The following TRABD2B variants were observed in gnomAD, a reference collection of about 807,000 sequenced individuals.
The protein encoded by TRABD2B is metalloprotease TIKI2.
Under a neutral mutation model 40.1 loss-of-function variants are expected in TRABD2B, and 14 were observed. The ratio of observed to expected loss-of-function variants is 0.35; its 90% confidence interval spans 0.23 to 0.55. The LOEUF (loss-of-function observed/expected upper bound fraction) is 0.55, where lower values mean the gene tolerates loss of function less well. Among genes scored for constraint, TRABD2B ranks in the 20% least tolerant of loss-of-function variants. The probability of loss-of-function intolerance (pLI) is 0.90; values close to 1 mark genes in which losing one functional copy is unlikely to be tolerated. For synonymous variants in TRABD2B, 263 were observed against 277.0 expected, an observed-to-expected ratio of 0.95 and a Z score of 0.50; for missense variants, 541 against 648.6, an observed-to-expected ratio of 0.83 and a Z score of 1.80.
At chr1:47,852,336 G>T (rs1210097293) in intron 2 of TRABD2B, among the ~76,000 whole-genome samples, 1 of 152,166 alleles carries the variant, frequency 6.6e-6, no homozygotes, top group Non-Finnish European at 1.5e-5. Context: ...TGCTGTTGGA[G>T]GCTAGGAATT....
intron 2 of TRABD2B, among the ~76,000 whole-genome samples, chr1:47,804,552 G>A (rs1467611355): frequency 6.6e-6 from 1 of 152,214 alleles, no homozygotes; most frequent in African/African-American, 2.4e-5. Flanking sequence ...ACCCAGAAGA[G>A]CTGACTGGAG....
rs1644254906 is a variant in TRABD2B, at chr1:47,762,535, C to T, written c.*3367G>A. The T allele has an allele frequency of 6.6e-6, 1 of 152,204 alleles. No homozygotes were observed. Among genetic ancestry groups the T allele is most frequent in the Non-Finnish European group, 1.5e-5 (1 of 68,050 alleles). The allele number at this position is 152,204 out of a possible 1,614,324, so 9.4% of individuals were successfully genotyped here. ...AGGCAAGTGGGACAAGGGGCCTGAG[C>T]ACCTAGGCTTGTCCAGGTCTAGCCG... On this transcript the variant is annotated 3_prime_UTR_variant, in exon 7 of 7. Transcript: ENST00000606738.
intron 2 of TRABD2B, among the ~76,000 whole-genome samples, chr1:47,913,484 C>T (rs1194888408): frequency 6.6e-6 from 1 of 152,208 alleles, no homozygotes; most frequent in Non-Finnish European, 1.5e-5. Flanking sequence ...TTACCCAGTG[C>T]CTATTTTGCA....
chr1:47,961,319 A>G (rs1180117971), intron 2 of TRABD2B, among the ~76,000 whole-genome samples: 1 of 152,250 alleles, frequency 6.6e-6, no homozygotes, highest in Non-Finnish European at 1.5e-5. Flanking sequence ...CTTCATGACT[A>G]AAACACCAAA....
intron 2 of TRABD2B, among the ~76,000 whole-genome samples, chr1:47,976,639 A>T (rs1416069107): frequency 1.3e-5 from 2 of 152,194 alleles, no homozygotes; most frequent in East Asian, 3.8e-4. Context: ...AAGGAAAGTA[A>T]ATTCAAGGGA....
intron 2 of TRABD2B, among the ~76,000 whole-genome samples, chr1:47,887,938 C>T (rs1557637662): frequency 6.6e-6 from 1 of 152,200 alleles, no homozygotes; most frequent in Admixed American, 6.5e-5. Context: ...CAAGGTGTCT[C>T]TGCTTCAAAG....
chr1:47,783,110 G>A (rs1644548548), intron 4 of TRABD2B, among the ~76,000 whole-genome samples: 1 of 152,100 alleles, frequency 6.6e-6, no homozygotes, highest in African/African-American at 2.4e-5. Flanking sequence ...GAGGTAGGGA[G>A]AAGAGCAGAG....
intron 5 of TRABD2B, 97 bp from the exon 6 acceptor site, chr1:47,775,536 A>G: frequency 5.9e-6 from 7 of 1,187,150 alleles, no homozygotes; most frequent in Admixed American, 4.2e-5. Context: ...TTGTCATGGC[A>G]GGAGAAAGTG....
intron 2 of TRABD2B, among the ~76,000 whole-genome samples, chr1:47,921,948 G>A (rs915284059): frequency 3.3e-5 from 5 of 152,204 alleles, no homozygotes; most frequent in African/African-American, 1.2e-4. Flanking sequence ...AAGTAGGTCT[G>A]TGATCCCCAG....
chr1:47,857,522 G>A (rs1026796559), intron 2 of TRABD2B, among the ~76,000 whole-genome samples: 6 of 152,260 alleles, frequency 3.9e-5, no homozygotes, highest in African/African-American at 1.4e-4. Flanking sequence ...CCCCTTCTCA[G>A]TACCTACCTC....
chr1:47,775,996 T>A (rs1267525728), intron 5 of TRABD2B, among the ~76,000 whole-genome samples: 2 of 152,066 alleles, frequency 1.3e-5, no homozygotes, highest in Admixed American at 1.3e-4. Context: ...GCTGAGACTT[T>A]AGGTGAGTTT....
At chr1:47,823,079 G>A (rs1645131542) in intron 2 of TRABD2B, among the ~76,000 whole-genome samples, 1 of 152,254 alleles carries the variant, frequency 6.6e-6, no homozygotes. Flanking sequence ...GTGAGAGATG[G>A]GGCCGGCCTG....
intron 2 of TRABD2B, among the ~76,000 whole-genome samples, chr1:47,943,108 C>T (rs947000289): frequency 2.0e-5 from 3 of 152,082 alleles, no homozygotes; most frequent in South Asian, 2.1e-4. Flanking sequence ...CCTTGGTTCC[C>T]CAATTTAAAA....
chr1:47,989,632 T>A (rs754409048), intron 2 of TRABD2B, among the ~76,000 whole-genome samples: 1 of 152,130 alleles, frequency 6.6e-6, no homozygotes, highest in African/African-American at 2.4e-5. Context: ...CTTTGAGAAC[T>A]CCTATTTTAG....
chr1:47,960,741 G>A (rs1360909435), intron 2 of TRABD2B, among the ~76,000 whole-genome samples: 6 of 152,144 alleles, frequency 3.9e-5, no homozygotes, highest in Non-Finnish European at 8.8e-5. Context: ...AACATTCCAC[G>A]CTCATGGATA....
At chr1:47,981,956 C>CA (rs1269038072) in intron 2 of TRABD2B, among the ~76,000 whole-genome samples, 3 of 152,214 alleles carry the variant, frequency 2.0e-5, no homozygotes, top group African/African-American at 7.2e-5. Context: ...AGATCTAACC[C>CA]AGGGCAGAGC....
chr1:47,832,193 C>T (rs1258629880), intron 2 of TRABD2B, among the ~76,000 whole-genome samples: 1 of 152,114 alleles, frequency 6.6e-6, no homozygotes, highest in Non-Finnish European at 1.5e-5. Context: ...ATTGGCCAGG[C>T]ATGGTGGCGG....
rs1209750548 is a variant in TRABD2B, at chr1:47,994,927, G to C, written c.103-330C>G. 6.6e-6 allele frequency among the ~76,000 whole-genome samples: 1 copy of C among 152,146 alleles called. No homozygotes were observed. Among genetic ancestry groups the C allele is most frequent in the Non-Finnish European group, 1.5e-5 (1 of 68,028 alleles). On this transcript the variant is annotated intron_variant, in intron 1 of 6. Transcript: ENST00000606738. The surrounding 1 kb of genome is among the most constrained non-coding windows in gnomAD (Gnocchi z 6.7). ...TATTAAGCCCTCAGAGCAGTGCCAG[G>C]TACAGAGGAAGTCAGCAATGAAGGG...
chr1:47,919,123 C>T (rs1644867755), intron 2 of TRABD2B, among the ~76,000 whole-genome samples: 1 of 152,162 alleles, frequency 6.6e-6, no homozygotes, highest in Non-Finnish European at 1.5e-5. Context: ...CTCCCCAGTT[C>T]GTGCAGGCAG....
Sources: gnomAD v4.1 joint callset for allele counts (sites outside exome capture counted in the v4.1 genomes callset) on GRCh38, gnomAD v4.1.1 for gene constraint, Gnocchi (gnomAD v3.1) non-coding constraint, MANE v1.5 for transcripts, NCBI Gene and HGNC (gene_info 2026-07-23, HGNC 2026-07-21) for gene names.